The following EFR3B variants were observed in gnomAD, a reference collection of about 807,000 sequenced individuals.
The protein encoded by EFR3B is protein EFR3 homolog B.
A neutral mutation model predicts 104.7 loss-of-function variants in EFR3B; 64 were observed. The ratio of observed to expected loss-of-function variants is 0.61; its 90% CI spans 0.50 to 0.75. EFR3B has a LOEUF of 0.75. Among genes scored for constraint, EFR3B ranks in the 30% least tolerant of loss-of-function variants. EFR3B has a pLI of 0.00. For synonymous variants in EFR3B, 385 were observed against 417.9 expected (o/e 0.92, Z 0.96); for missense variants, 750 against 1,078.5 (o/e 0.70, Z 4.27).
intron 1 of EFR3B, chr2:25,081,455 A>T (rs1405242720): frequency 1.4e-6 from 2 of 1,438,042 alleles, no homozygotes; most frequent in Non-Finnish European, 1.9e-6. Context: ...TCATCTGGTG[A>T]TTTTGCCACA....
chr2:25,042,174 T>G lies in EFR3B; in HGVS notation c.-139T>G. ...GTCCTGCCCGCGGCCGGCCCCCGCGTCTGCTCCCTCCCCGCCCGGGCCCCT... is the reference window on the plus strand; with the variant it reads ...GTCCTGCCCGCGGCCGGCCCCCGCGGCTGCTCCCTCCCCGCCCGGGCCCCT... On this transcript the variant is annotated 5_prime_UTR_variant, in exon 1 of 23. Coordinates refer to ENST00000403714, the MANE Select transcript of EFR3B (RefSeq NM_014971.2). The surrounding 1 kb of genome is among the most constrained non-coding windows in gnomAD (Gnocchi z 5.4). The G allele has an allele frequency of 2.4e-6, 2 of 836,854 alleles. No individual in the cohort carries two copies. The highest frequency in any genetic ancestry group is 1.8e-5 in the African/African-American group (1 of 54,548). 51.8% of individuals were successfully genotyped at this position (836,854 alleles called of 1,614,324 possible). A position where few individuals can be genotyped will look rare whatever the true frequency, so the allele number is the denominator to read the frequency against.
intron 5 of EFR3B, among the ~76,000 whole-genome samples, chr2:25,123,334 TG>T (rs1210069155): frequency 1.3e-5 from 2 of 149,050 alleles, no homozygotes; most frequent in African/African-American, 4.9e-5. Context: ...CACTCCAGCC[TG>T]GGTGACGGAG....
At chr2:25,093,956 T>C (rs1035977691) in intron 3 of EFR3B, among the ~76,000 whole-genome samples, 1 of 152,174 alleles carries the variant, frequency 6.6e-6, no homozygotes, top group African/African-American at 2.4e-5. Context: ...ATCAATAGAC[T>C]TAACTGTTGA....
rs57810211 is a variant in EFR3B at position 25,134,628 on chromosome 2, C to T, written c.1312-839C>T. On this transcript the variant is annotated intron_variant, in intron 12 of 22. Coordinates refer to ENST00000403714, the MANE Select transcript of EFR3B (RefSeq NM_014971.2). ...AAACAGAACTCCCCCGACCCCGCCG[C>T]CACCTCACACCTTCCCTTCCCTCCC... 3.7e-3 allele frequency among the ~76,000 whole-genome samples: 562 copies of T among 152,248 alleles called. 4 individuals carry two copies. The highest frequency in any genetic ancestry group is 0.012 in the African/African-American group (504 of 41,538).
intron 1 of EFR3B, among the ~76,000 whole-genome samples, chr2:25,053,455 C>T (rs564147948): frequency 6.6e-6 from 1 of 152,278 alleles, no homozygotes; most frequent in South Asian, 2.1e-4. Flanking sequence ...AGTGGGGTGT[C>T]ACCACCAAGG....
intron 1 of EFR3B, among the ~76,000 whole-genome samples, chr2:25,084,393 C>A (rs969450880): frequency 6.6e-6 from 1 of 151,982 alleles, no homozygotes; most frequent in Non-Finnish European, 1.5e-5. Context: ...CGCGCTGCCA[C>A]GCCCTGCTAA....
In EFR3B at chr2:25,042,317, A is replaced by T; in HGVS notation, c.5A>T (p.Tyr2Phe). The T allele has an allele frequency of 7.8e-7, 1 of 1,281,094 alleles. No homozygotes were observed. Among genetic ancestry groups the T allele is most frequent in the Non-Finnish European group, 9.9e-7 (1 of 1,014,396 alleles). 79.4% of individuals were successfully genotyped at this position (1,281,094 alleles called of 1,614,324 possible). A position where few individuals can be genotyped will look rare whatever the true frequency, so the allele number is the denominator to read the frequency against. ...AGAGGCGCGCGCCCCGCCGAGATGTACGGTAAGGAGGGCTCCGCGCCCGGG... is the reference window on the plus strand; with the variant it reads ...AGAGGCGCGCGCCCCGCCGAGATGTTCGGTAAGGAGGGCTCCGCGCCCGGG... M[Y>F]GVCGCCGALR... Residue 2 changes from tyrosine to phenylalanine, a missense_variant and splice_region_variant, in exon 1 of 23, where the codon TAC becomes TTC. Tyr to Phe is a conservative substitution (Grantham distance 22). Coordinates refer to ENST00000403714, the MANE Select transcript of EFR3B (RefSeq NM_014971.2). The surrounding 1 kb of genome is among the most constrained non-coding windows in gnomAD (Gnocchi z 5.4).
intron 5 of EFR3B, among the ~76,000 whole-genome samples, chr2:25,126,813 T>C (rs1428319593): frequency 6.6e-6 from 1 of 152,020 alleles, no homozygotes; most frequent in Non-Finnish European, 1.5e-5. Flanking sequence ...TTTCTTACCT[T>C]TTGACTCATT....
intron 1 of EFR3B, among the ~76,000 whole-genome samples, chr2:25,043,920 G>T (rs1328026182): frequency 2.0e-5 from 3 of 152,156 alleles, no homozygotes; most frequent in African/African-American, 7.2e-5. Flanking sequence ...ACTGGGTTCT[G>T]CTGGGCTGCC....
intron 1 of EFR3B, among the ~76,000 whole-genome samples, chr2:25,049,758 C>T (rs1317550159): frequency 6.6e-6 from 1 of 151,782 alleles, no homozygotes; most frequent in Non-Finnish European, 1.5e-5. Flanking sequence ...GAAGACCTGT[C>T]CAGCGAGAGT....
chr2:25,064,255 C>T (rs948718881), intron 1 of EFR3B, among the ~76,000 whole-genome samples: 2 of 152,142 alleles, frequency 1.3e-5, no homozygotes, highest in Admixed American at 6.5e-5. Flanking sequence ...TATATTTGGG[C>T]GTTCGAATGA....
In EFR3B at chr2:25,118,308, T is replaced by A. The variant is rs568480480; in HGVS notation, c.364-3365T>A. Among the ~76,000 whole-genome samples, 13 of 152,306 alleles carry A rather than the reference T, an allele frequency of 8.5e-5. 1 individual carries two copies. In the South Asian group the frequency reaches 2.7e-3, roughly 32 times the overall value. ...GCTTAACTATTTTAGATTGCACATATGAGTGAGATCAGGCAGTGTTTGTCT... is the reference window on the plus strand; with the variant it reads ...GCTTAACTATTTTAGATTGCACATAAGAGTGAGATCAGGCAGTGTTTGTCT... On this transcript the variant is annotated intron_variant, in intron 4 of 22. Transcript: ENST00000403714.
At chr2:25,056,067 G>A (rs779387640) in intron 1 of EFR3B, among the ~76,000 whole-genome samples, 10 of 152,152 alleles carry the variant, frequency 6.6e-5, no homozygotes, top group Admixed American at 2.0e-4. Flanking sequence ...CATAGCAGCC[G>A]GTGTTTCCAG....
intron 1 of EFR3B, chr2:25,080,765 C>T (rs1573187551): frequency 7.8e-7 from 1 of 1,289,772 alleles, no homozygotes; most frequent in East Asian, 2.3e-5. Context: ...TGGCGTTAGG[C>T]TGAATTAGAG....
chr2:25,046,829 A>G (rs1266782788), intron 1 of EFR3B, among the ~76,000 whole-genome samples: 1 of 151,962 alleles, frequency 6.6e-6, no homozygotes, highest in Non-Finnish European at 1.5e-5. Flanking sequence ...CTCTGCAGAA[A>G]TCTCCATAGA....
chr2:25,049,158 G>A (rs1049438090), intron 1 of EFR3B, among the ~76,000 whole-genome samples: 7 of 152,084 alleles, frequency 4.6e-5, no homozygotes, highest in African/African-American at 1.2e-4. Flanking sequence ...CTATACTCTC[G>A]AGAGCGTTCA....
At chr2:25,126,363 C>CTT (rs869190804) in intron 5 of EFR3B, among the ~76,000 whole-genome samples, 2 of 143,674 alleles carry the variant, frequency 1.4e-5, no homozygotes, top group African/African-American at 2.5e-5. Flanking sequence ...TAATTTCTTT[C>CTT]TTTTTTTTTT....
chr2:25,139,055 G>A lies in EFR3B; in HGVS notation c.1723-4G>A, dbSNP rs778021418. 33 of 1,551,424 alleles carry A rather than the reference G, an allele frequency of 2.1e-5. No homozygotes were observed. The highest frequency in any genetic ancestry group is 7.1e-5 in the South Asian group (6 of 84,026). Reference sequence around the variant, plus strand: ...CTCCGGAGGCCTTGTCTATGTTGCCGCAGGACGTGGCCCAAGTCAATGAGG... The same window carrying A: ...CTCCGGAGGCCTTGTCTATGTTGCCACAGGACGTGGCCCAAGTCAATGAGG... On this transcript the variant is annotated splice_polypyrimidine_tract_variant and splice_region_variant and intron_variant, in intron 15 of 22. Transcript: ENST00000403714.
intron 3 of EFR3B, among the ~76,000 whole-genome samples, chr2:25,103,154 C>A (rs148130389): frequency 2.0e-5 from 3 of 152,340 alleles, no homozygotes; most frequent in Non-Finnish European, 4.4e-5. Context: ...AAAGGAATAT[C>A]TATGTATTTA....
Sources: allele counts gnomAD v4.1 joint callset (sites outside exome capture counted in the v4.1 genomes callset), GRCh38; gene constraint gnomAD v4.1.1; non-coding constraint Gnocchi (gnomAD v3.1); transcripts MANE v1.5; gene names NCBI Gene and HGNC (gene_info 2026-07-23, HGNC 2026-07-21).